CDH8: variants seen among roughly 807,000 people sequenced by gnomAD.
CDH8 encodes cadherin 8.
In CDH8, 17 loss-of-function variants were observed where a neutral mutation model predicts 68.1. That is an observed-to-expected ratio of 0.25 (90% CI 0.17 to 0.37). The LOEUF is 0.37. Among genes scored for constraint, CDH8 ranks in the 10% least tolerant of loss-of-function variants. The pLI is 1.00. For missense variants in CDH8, 763 were observed against 999.3 expected, an observed-to-expected ratio of 0.76 and a Z score of 3.19; for synonymous variants, 372 against 365.1, an observed-to-expected ratio of 1.02 and a Z score of -0.21.
chr16:61,899,209 ATGAG>A, intron 3 of CDH8, among the ~76,000 whole-genome samples: 1 of 152,204 alleles, frequency 6.6e-6, no homozygotes, highest in East Asian at 1.9e-4. Flanking sequence ...ACTCCCACTT[ATGAG>A]TGAGAACATA....
chr16:61,770,402 C>A (rs1045998299), intron 8 of CDH8, among the ~76,000 whole-genome samples: 1 of 151,860 alleles, frequency 6.6e-6, no homozygotes. Context: ...GCCCAGGAAA[C>A]AGCTTCTCCA....
intron 2 of CDH8, among the ~76,000 whole-genome samples, chr16:62,012,574 T>G (rs1901839187): frequency 6.6e-6 from 1 of 152,200 alleles, no homozygotes; most frequent in African/African-American, 2.4e-5. Flanking sequence ...GGCATTGATG[T>G]TAAGATAATT....
chr16:61,922,800 CT>C (rs1964392169), intron 2 of CDH8, among the ~76,000 whole-genome samples: 1 of 152,114 alleles, frequency 6.6e-6, no homozygotes, highest in Non-Finnish European at 1.5e-5. Context: ...ATATAAATGT[CT>C]TTTTAAAACT....
intron 8 of CDH8, among the ~76,000 whole-genome samples, chr16:61,779,075 T>C (rs758154019): frequency 1.3e-5 from 2 of 152,202 alleles, no homozygotes; most frequent in East Asian, 1.9e-4. Flanking sequence ...CGGGCAATTA[T>C]ATGCTTCCTG....
rs77711415 is a variant in CDH8 at position 62,032,189 on chromosome 16, T to C, written c.-200+3891A>G. The stretch of plus-strand genomic sequence containing the variant: ...ACATTTTTTGAAAGACTGATCAATA[T>C]ACAAATCAGAGTAGCCAGAAAGGCA... On this transcript the variant is annotated intron_variant, in intron 1 of 11. Coordinates refer to ENST00000577390, the MANE Select transcript of CDH8 (RefSeq NM_001796.5). Among the ~76,000 whole-genome samples, 175 of 152,216 alleles carry C rather than the reference T, an allele frequency of 1.1e-3. 2 individuals carry two copies. The East Asian group carries it at 0.031, about 27-fold the overall frequency.
intron 10 of CDH8, among the ~76,000 whole-genome samples, chr16:61,675,342 C>T (rs1387012129): frequency 2.7e-5 from 4 of 150,510 alleles, no homozygotes; most frequent in African/African-American, 7.3e-5. Context: ...AGTAAAATAT[C>T]GCAAGAACAA....
chr16:61,877,261 CTGACAAA>C (rs1214276838), intron 3 of CDH8, among the ~76,000 whole-genome samples: 1 of 151,234 alleles, frequency 6.6e-6, no homozygotes, highest in Non-Finnish European at 1.5e-5. Context: ...ATACTTGGAA[CTGACAAA>C]TTCATAAGAA....
At chr16:61,930,337 G>A (rs1047718363) in intron 2 of CDH8, among the ~76,000 whole-genome samples, 1 of 151,328 alleles carries the variant, frequency 6.6e-6, no homozygotes, top group African/African-American at 2.4e-5. Context: ...TTTTTAATGA[G>A]AAATTCAAAT....
At position 61,740,348 on chromosome 16, in the gene CDH8, A is replaced by T. The variant is rs542310666; in HGVS notation, c.1415-13133T>A. On this transcript the variant is annotated intron_variant, in intron 8 of 11. Transcript: ENST00000577390. ...TGTTCAGAAATTTTAATAGTCATAT[A>T]TTTTTGAATATATGATGGTGACTTC... 1.1e-4 allele frequency among the ~76,000 whole-genome samples: 17 copies of T among 152,238 alleles called. No individual in the cohort carries two copies. In the South Asian group the frequency reaches 3.5e-3, roughly 32 times the overall value.
chr16:61,985,006 T>C (rs535043180), intron 2 of CDH8, among the ~76,000 whole-genome samples: 85 of 152,192 alleles, frequency 5.6e-4, no homozygotes, highest in Admixed American at 2.0e-3. Context: ...AGGTATAATA[T>C]CTGCCTGGTT....
At chr16:61,685,898 T>A (rs1023063531) in intron 10 of CDH8, among the ~76,000 whole-genome samples, 1 of 151,930 alleles carries the variant, frequency 6.6e-6, no homozygotes, top group African/African-American at 2.4e-5. Flanking sequence ...TCTAAATTAA[T>A]TGCTACTGTG....
chr16:61,875,229 C>A (rs1386268442), intron 3 of CDH8, among the ~76,000 whole-genome samples: 1 of 151,960 alleles, frequency 6.6e-6, no homozygotes, highest in Non-Finnish European at 1.5e-5. Flanking sequence ...TCTGGTAACA[C>A]CTCAGAAGGT....
intron 4 of CDH8, among the ~76,000 whole-genome samples, chr16:61,825,620 A>AT (rs1567488232): frequency 6.6e-6 from 1 of 151,872 alleles, no homozygotes; most frequent in East Asian, 1.9e-4. Context: ...ATTATTCTGA[A>AT]GTTCACAGAT....
intron 2 of CDH8, among the ~76,000 whole-genome samples, chr16:61,982,462 G>T (rs1490915996): frequency 1.3e-5 from 2 of 151,938 alleles, no homozygotes; most frequent in African/African-American, 4.8e-5. Flanking sequence ...CTCGTGATCC[G>T]CCCGCCTCGG....
chr16:61,650,471 A>C lies in CDH8; in HGVS notation c.*3137T>G, dbSNP rs979356494. 1 of 152,168 alleles carries C rather than the reference A, an allele frequency of 6.6e-6. No individual in the cohort carries two copies. Among genetic ancestry groups the C allele is most frequent in the Non-Finnish European group, 1.5e-5 (1 of 68,030 alleles). The allele number at this position is 152,168 out of a possible 1,614,324, so 9.4% of individuals were successfully genotyped here. A position where few individuals can be genotyped will look rare whatever the true frequency, so the allele number is the denominator to read the frequency against. On this transcript the variant is annotated 3_prime_UTR_variant, in exon 12 of 12. Coordinates refer to ENST00000577390, the MANE Select transcript of CDH8 (RefSeq NM_001796.5). The stretch of plus-strand genomic sequence containing the variant: ...TCTGCTATGTCAATGTTGATGAAAC[A>C]GACAACAATGCACATAGCTTTAAAA...
At chr16:61,682,524 T>C (rs1251050133) in intron 10 of CDH8, among the ~76,000 whole-genome samples, 1 of 151,970 alleles carries the variant, frequency 6.6e-6, no homozygotes, top group Non-Finnish European at 1.5e-5. Flanking sequence ...AGTTGAATAT[T>C]GTTCAGGATT....
chr16:61,849,312 G>T lies in CDH8; in HGVS notation c.667+7807C>A, dbSNP rs368700771. ...AATGTGGAAATCTATGCCCATTACT[G>T]CATTAAAAGAAAAAAAAAAAGGAAA... On this transcript the variant is annotated intron_variant, in intron 4 of 11. Coordinates refer to ENST00000577390, the MANE Select transcript of CDH8 (RefSeq NM_001796.5). Among the ~76,000 whole-genome samples, 8 of 150,856 alleles carry T rather than the reference G, an allele frequency of 5.3e-5. No homozygotes were observed. In the South Asian group the frequency reaches 6.2e-4, roughly 12 times the overall value.
At chr16:61,768,762 G>A (rs527480975) in intron 8 of CDH8, among the ~76,000 whole-genome samples, 9 of 151,508 alleles carry the variant, frequency 5.9e-5, no homozygotes, top group Non-Finnish European at 1.2e-4. Flanking sequence ...GCCAACCAAC[G>A]TTTTACAGGT....
intron 10 of CDH8, among the ~76,000 whole-genome samples, chr16:61,679,376 C>T (rs1166067118): frequency 1.3e-5 from 2 of 151,878 alleles, no homozygotes; most frequent in African/African-American, 2.4e-5. Flanking sequence ...ATTATGATTA[C>T]CATATGTTAT....
Sources: gnomAD v4.1 joint callset for allele counts (sites outside exome capture counted in the v4.1 genomes callset) on GRCh38, gnomAD v4.1.1 for gene constraint, MANE v1.5 for transcripts, NCBI Gene and HGNC (gene_info 2026-07-23, HGNC 2026-07-21) for gene names.